Variants in CAMTA1 observed in about 807,000 individuals in gnomAD.
CAMTA1 encodes the protein calmodulin binding transcription activator 1, also known as calmodulin-binding transcription activator 1.
In CAMTA1, 27 loss-of-function variants were observed where a neutral mutation model predicts 170.9. The observed-to-expected ratio is 0.16, with a 90% CI of 0.12 to 0.22. The LOEUF is 0.22. Ranked by LOEUF, CAMTA1 falls within the 10% of genes least tolerant of loss-of-function variation. CAMTA1 has a pLI of 1.00. For missense variants in CAMTA1, 1,619 were observed against 2,217.2 expected (o/e 0.73, Z 5.42); for synonymous variants, 833 against 891.5 (o/e 0.93, Z 1.17).
intron 3 of CAMTA1, among the ~76,000 whole-genome samples, chr1:7,000,911 T>G (rs1230780256): frequency 6.6e-6 from 1 of 152,176 alleles, no homozygotes; most frequent in Non-Finnish European, 1.5e-5. Context: ...AGGTGACAGG[T>G]CCCATTGCTC....
At chr1:7,316,503 A>G (rs1317326222) in intron 5 of CAMTA1, among the ~76,000 whole-genome samples, 6 of 152,254 alleles carry the variant, frequency 3.9e-5, no homozygotes, top group Non-Finnish European at 8.8e-5. Context: ...TAAGTACTCA[A>G]TAAGTGGTAT....
At chr1:7,493,720 C>A (rs1481136052) in intron 6 of CAMTA1, among the ~76,000 whole-genome samples, 1 of 152,058 alleles carries the variant, frequency 6.6e-6, no homozygotes, top group South Asian at 2.1e-4. Context: ...GGCACCTTCT[C>A]GAGGATTCCC....
chr1:7,276,303 A>ATATATATATATATAT, intron 5 of CAMTA1, among the ~76,000 whole-genome samples: 1 of 24,232 alleles, frequency 4.1e-5, no homozygotes, highest in African/African-American at 3.0e-4. Context: ...ATATATATAT[A>ATATATATATATATAT]TTTTTTTTTT....
intron 4 of CAMTA1, among the ~76,000 whole-genome samples, chr1:7,188,028 T>A (rs1423899893): frequency 6.6e-6 from 1 of 152,130 alleles, no homozygotes; most frequent in Non-Finnish European, 1.5e-5. Flanking sequence ...TGGTGGAAGC[T>A]AAGGGGAAAC....
At position 7,580,402 on chromosome 1, in the gene CAMTA1, G is replaced by C. The variant is rs564027600; in HGVS notation, c.511-59998G>C. 6.6e-6 allele frequency among the ~76,000 whole-genome samples: 1 copy of C among 152,124 alleles called. No homozygotes were observed. Among genetic ancestry groups the C allele is most frequent in the Non-Finnish European group, 1.5e-5 (1 of 67,996 alleles). The stretch of plus-strand genomic sequence containing the variant: ...AAGGGGCTCAGATGAAGCAGGTCTG[G>C]GGGAGAGGAAGGAAGACAGGTGAGG... On this transcript the variant is annotated intron_variant, in intron 6 of 22. Transcript: ENST00000303635. This position sits in a 1 kb window ranked among gnomAD's most constrained non-coding sequence, Gnocchi z 4.3.
chr1:7,621,297 G>A (rs1388940157), intron 6 of CAMTA1, among the ~76,000 whole-genome samples: 2 of 152,216 alleles, frequency 1.3e-5, no homozygotes, highest in Non-Finnish European at 2.9e-5. Flanking sequence ...GAGCCCCTGA[G>A]CCCTTTTATT....
At chr1:7,479,108 G>C (rs1253035334) in intron 6 of CAMTA1, among the ~76,000 whole-genome samples, 1 of 152,218 alleles carries the variant, frequency 6.6e-6, no homozygotes, top group Admixed American at 6.5e-5. Context: ...ATGTTGGTCT[G>C]TGTGGGCGTG....
At chr1:7,358,424 A>G (rs893891310) in intron 5 of CAMTA1, among the ~76,000 whole-genome samples, 1 of 152,186 alleles carries the variant, frequency 6.6e-6, no homozygotes, top group Non-Finnish European at 1.5e-5. Context: ...ATGACTTTTT[A>G]CACTGTTTGT....
chr1:7,589,066 G>A (rs1382730071), intron 6 of CAMTA1, among the ~76,000 whole-genome samples: 1 of 152,210 alleles, frequency 6.6e-6, no homozygotes, highest in Non-Finnish European at 1.5e-5. Context: ...TTTCCTCCGT[G>A]AGAAGAGGGC....
At chr1:6,964,130 G>A (rs984043695) in intron 3 of CAMTA1, among the ~76,000 whole-genome samples, 2 of 152,044 alleles carry the variant, frequency 1.3e-5, no homozygotes, top group African/African-American at 4.8e-5. Flanking sequence ...GGGTGCCCAG[G>A]TAGGGGTGCA....
intron 4 of CAMTA1, among the ~76,000 whole-genome samples, chr1:7,213,036 A>G (rs1023515759): frequency 6.6e-6 from 1 of 152,202 alleles, no homozygotes; most frequent in Non-Finnish European, 1.5e-5. Context: ...GGGTGTTTCT[A>G]GTTCTTGGCA....
intron 3 of CAMTA1, among the ~76,000 whole-genome samples, chr1:6,883,720 G>A (rs1383543221): frequency 2.0e-5 from 3 of 152,012 alleles, no homozygotes; most frequent in Non-Finnish European, 2.9e-5. Context: ...GCTTGAAATC[G>A]GTATCATGGA....
chr1:6,813,096 T>C (rs1173465903), intron 1 of CAMTA1, among the ~76,000 whole-genome samples: 1 of 152,236 alleles, frequency 6.6e-6, no homozygotes, highest in East Asian at 1.9e-4. Flanking sequence ...AGGGTTATTA[T>C]AGTATAGTAG....
In CAMTA1 at chr1:7,463,478, G is replaced by T. The variant is rs2093139647; in HGVS notation, c.439-4352G>T. On this transcript the variant is annotated intron_variant, in intron 5 of 22. Coordinates refer to ENST00000303635, the MANE Select transcript of CAMTA1 (RefSeq NM_015215.4). The surrounding 1 kb of genome is among the most constrained non-coding windows in gnomAD (Gnocchi z 4.7). Reference sequence around the variant, plus strand: ...AGAGAGACAGAGAGAGGACAAGACAGCTGCAGAGATGGAGAGAGAGAGAAA... The same window carrying T: ...AGAGAGACAGAGAGAGGACAAGACATCTGCAGAGATGGAGAGAGAGAGAAA... Among the ~76,000 whole-genome samples, 1 of 151,930 alleles carries T rather than the reference G, an allele frequency of 6.6e-6. No individual in the cohort carries two copies. Among genetic ancestry groups the T allele is most frequent in the East Asian group, 1.9e-4 (1 of 5,192 alleles).
intron 3 of CAMTA1, among the ~76,000 whole-genome samples, chr1:7,005,462 T>C (rs1698845462): frequency 6.6e-6 from 1 of 152,246 alleles, no homozygotes; most frequent in Non-Finnish European, 1.5e-5. Context: ...CTCCCTTCCT[T>C]CTGCCTTCTT....
chr1:7,450,568 T>C (rs2149458205), intron 5 of CAMTA1, among the ~76,000 whole-genome samples: 1 of 152,322 alleles, frequency 6.6e-6, no homozygotes, highest in Non-Finnish European at 1.5e-5. Flanking sequence ...TGCCCGGGGC[T>C]GCAGGCCCCA....
At chr1:7,494,935 C>T (rs1214492713) in intron 6 of CAMTA1, among the ~76,000 whole-genome samples, 1 of 152,180 alleles carries the variant, frequency 6.6e-6, no homozygotes, top group Non-Finnish European at 1.5e-5. Flanking sequence ...TGACCCTTCC[C>T]TCCTGTTCTC....
At chr1:7,172,822 G>C (rs1030221779) in intron 4 of CAMTA1, among the ~76,000 whole-genome samples, 3 of 152,224 alleles carry the variant, frequency 2.0e-5, no homozygotes, top group Non-Finnish European at 1.5e-5. Flanking sequence ...GGAGGGTGAG[G>C]CGTGAGGGGC....
chr1:7,202,366 T>G (rs1573862645), intron 4 of CAMTA1, among the ~76,000 whole-genome samples: 2 of 152,318 alleles, frequency 1.3e-5, no homozygotes, highest in East Asian at 3.9e-4. Context: ...TTGGCTATTC[T>G]GTGTCTCTTA....
Sources: allele counts gnomAD v4.1 joint callset (sites outside exome capture counted in the v4.1 genomes callset), GRCh38; gene constraint gnomAD v4.1.1; non-coding constraint Gnocchi (gnomAD v3.1); transcripts MANE v1.5; gene names NCBI Gene and HGNC (gene_info 2026-07-23, HGNC 2026-07-21).